The following CCNY variants were observed in gnomAD, a reference collection of about 807,000 sequenced individuals.
The protein encoded by CCNY is cyclin-Y.
Under a neutral mutation model 42.8 loss-of-function variants are expected in CCNY, and 19 were observed. The observed-to-expected ratio is 0.44, with a 90% CI of 0.31 to 0.65. CCNY has a LOEUF of 0.65. CCNY is among the 30% of genes least tolerant of loss of function. CCNY has a pLI of 0.07. For synonymous variants in CCNY, 165 were observed against 162.7 expected (o/e 1.01, Z -0.11); for missense variants, 370 against 437.3 (o/e 0.85, Z 1.37).
chr10:35,497,878 A>G (rs1036331928), intron 2 of CCNY, among the ~76,000 whole-genome samples: 1 of 152,186 alleles, frequency 6.6e-6, no homozygotes, highest in African/African-American at 2.4e-5. Flanking sequence ...GGAACTGGGT[A>G]CTAAAAGCTG....
intron 1 of CCNY, among the ~76,000 whole-genome samples, chr10:35,452,242 A>T (rs1338701866): frequency 6.6e-6 from 1 of 152,140 alleles, no homozygotes; most frequent in East Asian, 1.9e-4. Context: ...TGCATTCCAC[A>T]CTTGAGGCTC....
At chr10:35,462,508 T>C (rs1839177383) in intron 1 of CCNY, among the ~76,000 whole-genome samples, 1 of 152,226 alleles carries the variant, frequency 6.6e-6, no homozygotes, top group Admixed American at 6.5e-5. Flanking sequence ...AGTGAGACCA[T>C]GCTGAGGCTG....
intron 1 of CCNY, among the ~76,000 whole-genome samples, chr10:35,349,094 T>G (rs1836372203): frequency 6.6e-6 from 1 of 152,170 alleles, no homozygotes; most frequent in Admixed American, 6.5e-5. Context: ...ATCAGCGGGT[T>G]CCACAGGGTG....
chr10:35,268,754 A>G (rs1212441840), intron 3 of CCNY, among the ~76,000 whole-genome samples: 1 of 152,204 alleles, frequency 6.6e-6, no homozygotes, highest in Non-Finnish European at 1.5e-5. Context: ...AGTGCCACCA[A>G]GGTTTATGGC....
Position 35,483,464 on chromosome 10 carries a change from A to T in CCNY, c.215A>T (p.Lys72Ile), listed in dbSNP as rs1290053112. Reference sequence around the variant, plus strand: ...CGGGCCAGCACAATATTCCTCAGTAAATCTCAGACGGACGGTAGGTCCTTA... The same window carrying T: ...CGGGCCAGCACAATATTCCTCAGTATATCTCAGACGGACGGTAGGTCCTTA... ...HPRASTIFLS[K>I]SQTDVREKRK... The change falls in exon 2 of 10, where the codon AAA becomes ATA. Residue 72 changes from lysine to isoleucine, a missense_variant. Lys to Ile is a moderately radical substitution (Grantham distance 102). Around this residue, in one of 2 missense-constraint regions of CCNY, gnomAD observed 136 missense variants for 124.2 expected, o/e 1.09. Coordinates refer to ENST00000374704, the MANE Select transcript of CCNY (RefSeq NM_145012.6). 2.5e-6 allele frequency: 4 copies of T among 1,605,396 alleles called. No homozygotes were observed. The highest frequency in any genetic ancestry group is 2.6e-6 in the Non-Finnish European group (3 of 1,173,020).
intron 3 of CCNY, among the ~76,000 whole-genome samples, chr10:35,515,108 A>G (rs1840401201): frequency 6.6e-6 from 1 of 152,200 alleles, no homozygotes; most frequent in Non-Finnish European, 1.5e-5. Context: ...TTGACTTCAG[A>G]CTTGAATTTC....
In CCNY at chr10:35,337,242, C is replaced by T. The variant is rs751756480; in HGVS notation, c.154+35C>T. 16 of 1,464,552 alleles carry T rather than the reference C, an allele frequency of 1.1e-5. No individual in the cohort carries two copies. In the South Asian group the frequency reaches 2.1e-4, roughly 19 times the overall value. The allele number at this position is 1,464,552 out of a possible 1,614,324, so 90.7% of individuals were successfully genotyped here. A position where few individuals can be genotyped will look rare whatever the true frequency, so the allele number is the denominator to read the frequency against. On this transcript the variant is annotated intron_variant, in intron 1 of 9. Transcript: ENST00000374704. ...GCCCGCCGAGCCCCCTACCCGCCCC[C>T]GCGGCAACAGTCGCACAGCCAACGT...
chr10:35,308,068 C>T (rs1416778492), intron 3 of CCNY, among the ~76,000 whole-genome samples: 6 of 151,782 alleles, frequency 4.0e-5, no homozygotes, highest in South Asian at 2.1e-4. Context: ...CCACCCGCCT[C>T]GGCCTCCCAA....
chr10:35,562,288 T>G (rs1038798409), intron 8 of CCNY, among the ~76,000 whole-genome samples: 8 of 152,182 alleles, frequency 5.3e-5, no homozygotes, highest in Non-Finnish European at 8.8e-5. Context: ...TCTGGTGGTG[T>G]TTTGTTTTTA....
chr10:35,413,931 GGGA>G lies in CCNY; in HGVS notation c.155-69468_155-69466del, dbSNP rs1415472778. 1.8e-4 allele frequency among the ~76,000 whole-genome samples: 27 copies of G among 152,344 alleles called. 1 individual carries two copies. The highest frequency in any genetic ancestry group is 3.7e-4 in the Non-Finnish European group (25 of 68,036). ...CGTCGCTTTTGCCCCACTTCACAAA[GGGA>G]GGAGAAGCAGAGCCACTGAGGCTGA... On this transcript the variant is annotated intron_variant, in intron 1 of 9. Coordinates refer to ENST00000374704, the MANE Select transcript of CCNY (RefSeq NM_145012.6).
chr10:35,333,980 G>A (rs1835977027), upstream of CCNY, among the ~76,000 whole-genome samples: 1 of 146,230 alleles, frequency 6.8e-6, no homozygotes, highest in African/African-American at 2.5e-5. Context: ...CTAAATTAAA[G>A]TCCAAACAGG....
chr10:35,333,645 C>CTATTTAT (rs1835971941), upstream of CCNY, among the ~76,000 whole-genome samples: 1 of 152,150 alleles, frequency 6.6e-6, no homozygotes, highest in Non-Finnish European at 1.5e-5. Flanking sequence ...GTTTACTTAT[C>CTATTTAT]AAAGTGTCTA....
intron 1 of CCNY, among the ~76,000 whole-genome samples, chr10:35,376,024 C>A (rs1386090298): frequency 1.3e-5 from 2 of 152,238 alleles, no homozygotes; most frequent in Admixed American, 1.3e-4. Flanking sequence ...CTGTACCGTG[C>A]CTTGGAAGCT....
chr10:35,484,912 A>G (rs1839752214), intron 2 of CCNY, among the ~76,000 whole-genome samples: 1 of 152,202 alleles, frequency 6.6e-6, no homozygotes, highest in Non-Finnish European at 1.5e-5. Flanking sequence ...TTGTCCTGGT[A>G]GAAGGAAACT....
chr10:35,560,122 A>G (rs567587323), intron 8 of CCNY, among the ~76,000 whole-genome samples: 47 of 152,286 alleles, frequency 3.1e-4, no homozygotes, highest in Admixed American at 7.2e-4. Context: ...TCATACCTCA[A>G]TCTTCACCCA....
intron 3 of CCNY, among the ~76,000 whole-genome samples, chr10:35,513,465 A>G (rs1336757043): frequency 4.6e-5 from 7 of 152,210 alleles, no homozygotes; most frequent in Non-Finnish European, 8.8e-5. Flanking sequence ...TGTTGCAGGC[A>G]TTAGGCATAA....
At chr10:35,469,621 T>G in intron 1 of CCNY, among the ~76,000 whole-genome samples, 2 of 131,940 alleles carry the variant, frequency 1.5e-5, no homozygotes, top group African/African-American at 2.9e-5. Flanking sequence ...GAGAGACAGA[T>G]AGACAGGGGG....
At chr10:35,542,268 C>T (rs891792461) in intron 7 of CCNY, among the ~76,000 whole-genome samples, 1 of 151,246 alleles carries the variant, frequency 6.6e-6, no homozygotes, top group Non-Finnish European at 1.5e-5. Flanking sequence ...ACGTTTTTGT[C>T]ATGATTAGAC....
chr10:35,306,545 C>A (rs1032497005), intron 3 of CCNY, among the ~76,000 whole-genome samples: 2 of 152,138 alleles, frequency 1.3e-5, no homozygotes, highest in African/African-American at 4.8e-5. Flanking sequence ...CAAGGGCAAA[C>A]CCACACATGA....
Sources: gnomAD v4.1 joint callset for allele counts (sites outside exome capture counted in the v4.1 genomes callset) on GRCh38, gnomAD v4.1.1 for gene constraint, gnomAD v4.1.1 regional missense constraint, MANE v1.5 for transcripts, NCBI Gene and HGNC (gene_info 2026-07-23, HGNC 2026-07-21) for gene names.